The following HAUS2 variants were observed in gnomAD, a reference collection of about 807,000 sequenced individuals.
HAUS2 encodes the protein HAUS augmin-like complex subunit 2.
In HAUS2, 20 loss-of-function variants were observed where a neutral mutation model predicts 21.6. The ratio of observed to expected loss-of-function variants is 0.93; its 90% CI spans 0.65 to 1.35. HAUS2 has a LOEUF of 1.35. Among genes scored for constraint, HAUS2 ranks in the 40% most tolerant of loss-of-function variants. HAUS2 has a pLI of 0.00. For synonymous variants in HAUS2, 113 were observed against 95.6 expected, an observed-to-expected ratio of 1.18 and a Z score of -1.06; for missense variants, 297 against 280.7, an observed-to-expected ratio of 1.06 and a Z score of -0.42.
intron 4 of HAUS2, 70 bp from the exon 5 acceptor site, chr15:42,563,679 A>G (rs550801019): frequency 1.2e-6 from 1 of 802,162 alleles, no homozygotes; most frequent in South Asian, 1.4e-5. Flanking sequence ...AGTCCTGATT[A>G]AAGGAGAAGA....
At chr15:42,565,856 A>C (rs1229835126) in intron 5 of HAUS2, among the ~76,000 whole-genome samples, 3 of 152,306 alleles carry the variant, frequency 2.0e-5, no homozygotes, top group Non-Finnish European at 2.9e-5. Context: ...AAAATAATGA[A>C]GTTTCTAGTC....
At chr15:42,560,104 GT>G (rs2057832870) in intron 3 of HAUS2, among the ~76,000 whole-genome samples, 1 of 152,158 alleles carries the variant, frequency 6.6e-6, no homozygotes, top group African/African-American at 2.4e-5. Context: ...GCAATGAGTT[GT>G]GATCGTAGCA....
intron 4 of HAUS2, among the ~76,000 whole-genome samples, chr15:42,562,083 C>T (rs2057858606): frequency 6.6e-6 from 1 of 151,998 alleles, no homozygotes; most frequent in South Asian, 2.1e-4. Context: ...GGGAGGGTGA[C>T]CTGAGCCCAG....
At chr15:42,563,910 G>A in intron 5 of HAUS2, 53 bp downstream of exon 5, 1 of 831,840 alleles carries the variant, frequency 1.2e-6, no homozygotes, top group Admixed American at 2.3e-5. Context: ...ACTTAGAGGT[G>A]TGCTCTCCCA....
At position 42,556,775 on chromosome 15, in the gene HAUS2, C is replaced by T. The variant is rs186657452; in HGVS notation, c.94-1423C>T. Among the ~76,000 whole-genome samples the T allele has an allele frequency of 4.8e-5, 7 of 147,270 alleles. No homozygotes were observed. In the East Asian group the frequency reaches 1.0e-3, roughly 22 times the overall value. On this transcript the variant is annotated intron_variant, in intron 1 of 5. Transcript: ENST00000260372. ...ATCTGGGCACTCTGGGAGGCTGAGG[C>T]GGGTGGATCACCTGAGGTCAGCAGT... is the stretch of plus-strand genomic sequence containing the variant.
intron 1 of HAUS2, 41 bp downstream of exon 1, chr15:42,549,006 A>G (rs1450737752): frequency 7.8e-7 from 1 of 1,283,076 alleles, no homozygotes; most frequent in Non-Finnish European, 1.1e-6. Flanking sequence ...GGGGTGCCCA[A>G]GGTGGCAACA....
At chr15:42,549,012 C>T in intron 1 of HAUS2, 47 bp downstream of exon 1, 2 of 1,213,334 alleles carry the variant, frequency 1.6e-6, no homozygotes, top group Non-Finnish European at 2.4e-6. Context: ...CCCAAGGTGG[C>T]AACAATATGG....
intron 5 of HAUS2, among the ~76,000 whole-genome samples, chr15:42,564,810 G>A (rs901157488): frequency 6.6e-5 from 10 of 152,166 alleles, no homozygotes; most frequent in Admixed American, 4.6e-4. Context: ...ATTTATTTAG[G>A]TGTTAGCAGT....
Position 42,569,251 on chromosome 15 carries a change from T to C in HAUS2, c.*2435T>C, listed in dbSNP as rs772136620. Reference sequence around the variant, plus strand: ...TTAGACTTGGGGTTCTATTTTGCTTTAAAACATGTACATCAGTTTTGTTTT... The same window carrying C: ...TTAGACTTGGGGTTCTATTTTGCTTCAAAACATGTACATCAGTTTTGTTTT... On this transcript the variant is annotated 3_prime_UTR_variant, in exon 6 of 6. Coordinates refer to ENST00000260372, the MANE Select transcript of HAUS2 (RefSeq NM_018097.3). 2.6e-5 allele frequency: 4 copies of C among 152,122 alleles called. No individual in the cohort carries two copies. Among genetic ancestry groups the C allele is most frequent in the Admixed American group, 6.6e-5 (1 of 15,266 alleles). The allele number at this position is 152,122 out of a possible 1,614,324, so 9.4% of individuals were successfully genotyped here.
intron 2 of HAUS2, 140 bp from the exon 3 acceptor site, chr15:42,559,199 A>G (rs62019312): frequency 0.11 from 62,970 of 561,960 alleles, 4,335 homozygotes; most frequent in Non-Finnish European, 0.14. Flanking sequence ...CAGTGGCACA[A>G]TCTCGGCTCA....
chr15:42,558,651 G>C (rs562591596), intron 2 of HAUS2, among the ~76,000 whole-genome samples: 1 of 151,196 alleles, frequency 6.6e-6, no homozygotes, highest in Admixed American at 6.6e-5. Flanking sequence ...TCTACTCCTA[G>C]TATAGGAAAA....
At chr15:42,560,649 C>T (rs2057839682) in intron 3 of HAUS2, 1 of 487,980 alleles carries the variant, frequency 2.0e-6, no homozygotes, top group African/African-American at 2.1e-5. Context: ...GAGTGTGTCA[C>T]TCTGTAACCC....
At position 42,558,290 on chromosome 15, in the gene HAUS2, G is replaced by A; in HGVS notation, c.186G>A (p.Gln62=). The A allele has an allele frequency of 9.3e-7, 1 of 1,074,408 alleles. No individual in the cohort carries two copies. The highest frequency in any genetic ancestry group is 2.1e-5 in the Admixed American group (1 of 47,428). The allele number at this position is 1,074,408 out of a possible 1,614,324, so 66.6% of individuals were successfully genotyped here. The change falls in exon 2 of 6, where the codon CAG becomes CAA. Residue 62 remains glutamine, a splice_region_variant and synonymous_variant. Coordinates refer to ENST00000260372, the MANE Select transcript of HAUS2 (RefSeq NM_018097.3). ...CAAATATTCAAGCTGAAATCTACCAGGTAAATCATTTTGTTTTCACTTTCT... is the reference window on the plus strand; with the variant it reads ...CAAATATTCAAGCTGAAATCTACCAAGTAAATCATTTTGTTTTCACTTTCT... ...QITNIQAEIY[Q]KNLEIELLKL...
chr15:42,556,387 C>A (rs982212965), intron 1 of HAUS2, among the ~76,000 whole-genome samples: 1 of 150,640 alleles, frequency 6.6e-6, no homozygotes, highest in Non-Finnish European at 1.5e-5. Context: ...CCTCAGCCTC[C>A]CGAGTAGCTG....
At chr15:42,565,815 C>T (rs1041931727) in intron 5 of HAUS2, among the ~76,000 whole-genome samples, 2 of 152,086 alleles carry the variant, frequency 1.3e-5, no homozygotes, top group Non-Finnish European at 2.9e-5. Context: ...ATTTTTAGAA[C>T]TTGGCTATGA....
At chr15:42,555,878 G>A (rs1473841229) in intron 1 of HAUS2, among the ~76,000 whole-genome samples, 2 of 152,194 alleles carry the variant, frequency 1.3e-5, no homozygotes, top group African/African-American at 4.8e-5. Context: ...GAGATAGTGT[G>A]TAAATGGATG....
rs2057941517 is a variant in HAUS2, at chr15:42,569,628, G to A, written c.*2812G>A. 2.6e-5 allele frequency: 4 copies of A among 152,074 alleles called. No individual in the cohort carries two copies. Among genetic ancestry groups the A allele is most frequent in the Admixed American group, 2.6e-4 (4 of 15,260 alleles). 9.4% of individuals were successfully genotyped at this position (152,074 alleles called of 1,614,324 possible). On this transcript the variant is annotated 3_prime_UTR_variant, in exon 6 of 6. Transcript: ENST00000260372. ...GGCCTCATTGTACTCCTTAACACAA[G>A]AAGACTTCAACAATGATAAGTAGTT... is the stretch of plus-strand genomic sequence containing the variant.
At chr15:42,560,117 T>A (rs1277873417) in intron 3 of HAUS2, among the ~76,000 whole-genome samples, 2 of 152,196 alleles carry the variant, frequency 1.3e-5, no homozygotes, top group Non-Finnish European at 2.9e-5. Flanking sequence ...ATCGTAGCAC[T>A]CCACTCCAGC....
Position 42,558,224 on chromosome 15 carries a change from A to C in HAUS2, c.120A>C (p.Thr40=). The change falls in exon 2 of 6, where the codon ACA becomes ACC. Residue 40 remains threonine (T), a synonymous_variant. Transcript: ENST00000260372. ...NQEMLNMSKK[T]VSCFVNFTRL... ...AGATGTTAAACATGTCTAAGAAAAC[A>C]GTTTCTTGTTTTGTGAACTTCACCA... is the stretch of plus-strand genomic sequence containing the variant. 6.7e-7 allele frequency: 1 copy of C among 1,491,864 alleles called. No homozygotes were observed. The highest frequency in any genetic ancestry group is 9.3e-7 in the Non-Finnish European group (1 of 1,072,614). The allele number at this position is 1,491,864 out of a possible 1,614,324, so 92.4% of individuals were successfully genotyped here.
Sources: gnomAD v4.1 joint callset for allele counts (sites outside exome capture counted in the v4.1 genomes callset) on GRCh38, gnomAD v4.1.1 for gene constraint, MANE v1.5 for transcripts, NCBI Gene and HGNC (gene_info 2026-07-23, HGNC 2026-07-21) for gene names.